Variants in SAMD4A observed in about 807,000 individuals in gnomAD.
The protein encoded by SAMD4A is protein Smaug homolog 1.
In SAMD4A, 33 loss-of-function variants were observed where a neutral mutation model predicts 81.3. That is an observed-to-expected ratio of 0.41 (90% CI 0.31 to 0.54). SAMD4A has a LOEUF of 0.54. SAMD4A is among the 20% of genes least tolerant of loss of function. SAMD4A has a pLI of 0.37. For missense variants in SAMD4A, 854 were observed against 951.1 expected (o/e 0.90, Z 1.34); for synonymous variants, 389 against 382.1 (o/e 1.02, Z -0.21).
intron 2 of SAMD4A, among the ~76,000 whole-genome samples, chr14:54,588,992 GA>G (rs2033701442): frequency 6.6e-6 from 1 of 152,156 alleles, no homozygotes; most frequent in African/African-American, 2.4e-5. Context: ...AATCCTCTCA[GA>G]AGAGTTTTAA....
At position 54,742,092 on chromosome 14, in the gene SAMD4A, A is replaced by G. The variant is rs140705148; in HGVS notation, c.979+4805A>G. On this transcript the variant is annotated intron_variant, in intron 4 of 12. Transcript: ENST00000554335. ...GAGGATTCCAGATTTGAAGGCCAGC[A>G]GAGAGGTGGAGGACGTTTCAGTAAT... is the stretch of plus-strand genomic sequence containing the variant. Among the ~76,000 whole-genome samples, 29 of 152,256 alleles carry G rather than the reference A, an allele frequency of 1.9e-4. No homozygotes were observed. In the East Asian group the frequency reaches 5.2e-3, roughly 27 times the overall value.
chr14:54,580,832 C>T (rs2033443374), intron 2 of SAMD4A, among the ~76,000 whole-genome samples: 1 of 152,182 alleles, frequency 6.6e-6, no homozygotes, highest in Non-Finnish European at 1.5e-5. Flanking sequence ...TAGGTGATCT[C>T]AGAACGTTTT....
chr14:54,776,697 G>T (rs2038859613), intron 11 of SAMD4A, among the ~76,000 whole-genome samples, 157 bp downstream of exon 11: 1 of 152,234 alleles, frequency 6.6e-6, no homozygotes, highest in Non-Finnish European at 1.5e-5. Flanking sequence ...TTGCCAGCAT[G>T]AATAGCGGCG....
intron 6 of SAMD4A, among the ~76,000 whole-genome samples, chr14:54,755,537 A>G (rs1015200625): frequency 3.3e-5 from 5 of 152,116 alleles, no homozygotes; most frequent in Admixed American, 3.3e-4. Context: ...GAAGGTCGGG[A>G]GGGTTTGAAG....
chr14:54,712,545 A>G (rs1419987452), intron 3 of SAMD4A, among the ~76,000 whole-genome samples: 1 of 152,088 alleles, frequency 6.6e-6, no homozygotes. Flanking sequence ...AGAGGACTCG[A>G]TGTTGCCACC....
At chr14:54,627,417 C>G (rs193105253) in intron 2 of SAMD4A, among the ~76,000 whole-genome samples, 1 of 152,288 alleles carries the variant, frequency 6.6e-6, no homozygotes, top group Admixed American at 6.5e-5. Context: ...CGTTCTTTAG[C>G]CCATTCATTA....
chr14:54,764,782 A>G (rs576403367), intron 8 of SAMD4A, among the ~76,000 whole-genome samples: 1 of 152,206 alleles, frequency 6.6e-6, no homozygotes, highest in African/African-American at 2.4e-5. Flanking sequence ...GAACGCCTGC[A>G]ACGACTTCTG....
At chr14:54,740,153 G>A (rs1481387639) in intron 4 of SAMD4A, among the ~76,000 whole-genome samples, 1 of 152,144 alleles carries the variant, frequency 6.6e-6, no homozygotes, top group Non-Finnish European at 1.5e-5. Flanking sequence ...CTGGGCAACA[G>A]AGTGAGTGAG....
chr14:54,773,653 G>A (rs2038762538), intron 9 of SAMD4A, among the ~76,000 whole-genome samples: 1 of 152,204 alleles, frequency 6.6e-6, no homozygotes, highest in African/African-American at 2.4e-5. Flanking sequence ...GAGAAGCATG[G>A]ACCTGCCCTG....
chr14:54,671,147 G>A (rs1040314861), intron 2 of SAMD4A, among the ~76,000 whole-genome samples: 25 of 152,328 alleles, frequency 1.6e-4, no homozygotes, highest in East Asian at 1.5e-3. Context: ...TGGTTAGATC[G>A]TAAGAGAAAG....
rs185953712 is a variant in SAMD4A at position 54,721,575 on chromosome 14, T to A, written c.716-15449T>A. Among the ~76,000 whole-genome samples the A allele has an allele frequency of 3.0e-3, 455 of 152,318 alleles. 14 individuals carry two copies. Among genetic ancestry groups the A allele is most frequent in the Admixed American group, 0.029 (439 of 15,294 alleles). The stretch of plus-strand genomic sequence containing the variant: ...ATAACTCTCATTATCAATAGGATGT[T>A]GCCTATTTCTAATAGTTAAAATGAG... On this transcript the variant is annotated intron_variant, in intron 3 of 12. Coordinates refer to ENST00000554335, the MANE Select transcript of SAMD4A (RefSeq NM_015589.6).
intron 2 of SAMD4A, among the ~76,000 whole-genome samples, chr14:54,679,694 A>C (rs895292503): frequency 1.3e-5 from 2 of 152,028 alleles, no homozygotes; most frequent in African/African-American, 4.8e-5. Flanking sequence ...GTGTATTTTT[A>C]ATAGGAGGAA....
intron 6 of SAMD4A, chr14:54,754,969 G>A: frequency 4.6e-6 from 2 of 436,046 alleles, no homozygotes. Context: ...GGCACCATAT[G>A]ATCTCACAAC....
chr14:54,616,417 T>C (rs2034493998), intron 2 of SAMD4A, among the ~76,000 whole-genome samples: 1 of 152,238 alleles, frequency 6.6e-6, no homozygotes, highest in African/African-American at 2.4e-5. Context: ...GCCTTTTTCA[T>C]TGCATTAGAA....
intron 3 of SAMD4A, among the ~76,000 whole-genome samples, chr14:54,720,020 C>T (rs1443035818): frequency 6.6e-6 from 1 of 152,162 alleles, no homozygotes; most frequent in Non-Finnish European, 1.5e-5. Flanking sequence ...AATAGCTCCT[C>T]TCTATTGATC....
chr14:54,747,236 T>C (rs1680874535), intron 4 of SAMD4A, among the ~76,000 whole-genome samples: 1 of 152,216 alleles, frequency 6.6e-6, no homozygotes, highest in South Asian at 2.1e-4. Flanking sequence ...GATAACTGAG[T>C]CTGTTCTTAA....
chr14:54,702,888 C>A, intron 3 of SAMD4A: 1 of 328,310 alleles, frequency 3.0e-6, no homozygotes, highest in Non-Finnish European at 5.6e-6. Context: ...GCATTTCACC[C>A]ATGTCTTTCA....
chr14:54,680,551 G>A (rs6572965), intron 2 of SAMD4A, among the ~76,000 whole-genome samples: 93,286 of 152,108 alleles, frequency 0.61, 30,899 homozygotes, highest in Non-Finnish European at 0.75. Flanking sequence ...AAGTTTGGCC[G>A]TATTTGTTAA....
chr14:54,634,415 C>T (rs778301666), intron 2 of SAMD4A, among the ~76,000 whole-genome samples: 1 of 152,036 alleles, frequency 6.6e-6, no homozygotes, highest in Non-Finnish European at 1.5e-5. Context: ...ATCAGCGGTC[C>T]CCCACCTTTT....
Sources: allele counts gnomAD v4.1 joint callset (sites outside exome capture counted in the v4.1 genomes callset), GRCh38; gene constraint gnomAD v4.1.1; transcripts MANE v1.5; gene names NCBI Gene and HGNC (gene_info 2026-07-23, HGNC 2026-07-21).